HID1: variants seen among roughly 807,000 people sequenced by gnomAD.
HID1 encodes the protein HID1 domain containing.
HID1 carries 42 observed loss-of-function variants against 89.7 expected under a neutral mutation model. The observed-to-expected ratio is 0.47, with a 90% CI of 0.37 to 0.61. The LOEUF (loss-of-function observed/expected upper bound fraction) is 0.61, where lower values mean the gene tolerates loss of function less well. HID1 is among the 20% of genes least tolerant of loss of function. The pLI is 0.00. For missense variants in HID1, 854 were observed against 1,039.3 expected (o/e 0.82, Z 2.45); for synonymous variants, 442 against 433.8 (o/e 1.02, Z -0.24).
chr17:74,959,131 T>G lies in HID1; in HGVS notation c.1009-80A>C. ...TTTCCCAGCCCAGGCCCCCAACAAA[T>G]CCCCCCCTCCATCCCCCAGAGCCAG... is the stretch of plus-strand genomic sequence containing the variant. On this transcript the variant is annotated intron_variant, in intron 8 of 18. Coordinates refer to ENST00000425042, the MANE Select transcript of HID1 (RefSeq NM_030630.3). The surrounding 1 kb of genome is among the most constrained non-coding windows in gnomAD (Gnocchi z 4.6). 4.3e-6 allele frequency: 6 copies of G among 1,395,424 alleles called. No individual in the cohort carries two copies. The highest frequency in any genetic ancestry group is 1.6e-5 in the South Asian group (1 of 62,588). 86.4% of individuals were successfully genotyped at this position (1,395,424 alleles called of 1,614,324 possible).
chr17:74,969,131 C>T (rs1250238017), intron 1 of HID1, among the ~76,000 whole-genome samples: 9 of 146,700 alleles, frequency 6.1e-5, no homozygotes, highest in Non-Finnish European at 7.4e-5. Flanking sequence ...CGTGGCTCAG[C>T]GCCTGCCTCA....
rs2039286915 is a variant in HID1 at position 74,950,908 on chromosome 17, CTCCCAGTTCCCT to C, written c.*650_*661del. 6.6e-6 allele frequency: 1 copy of C among 152,356 alleles called. No homozygotes were observed. Among genetic ancestry groups the C allele is most frequent in the South Asian group, 2.1e-4 (1 of 4,828 alleles). The allele number at this position is 152,356 out of a possible 1,614,324, so 9.4% of individuals were successfully genotyped here. On this transcript the variant is annotated 3_prime_UTR_variant, in exon 19 of 19. Transcript: ENST00000425042. ...AGGGCAGGGAGGACTAAACGGCTGC[CTCCCAGTTCCCT>C]TCCCTGCCCCTCATTACTGGGTAAG...
At chr17:74,957,361 G>A (rs539949340) in intron 12 of HID1, among the ~76,000 whole-genome samples, 1 of 150,088 alleles carries the variant, frequency 6.7e-6, no homozygotes, top group South Asian at 2.1e-4. Context: ...GGCACATGCT[G>A]TGATCCCAGC....
rs558379686 is a variant in HID1 at position 74,957,974 on chromosome 17, C to A, written c.1471+167G>T. 7.1e-5 allele frequency: 43 copies of A among 605,658 alleles called. 1 individual carries two copies. Among genetic ancestry groups the A allele is most frequent in the African/African-American group, 6.5e-4 (35 of 54,102 alleles). The allele number at this position is 605,658 out of a possible 1,614,324, so 37.5% of individuals were successfully genotyped here. A position where few individuals can be genotyped will look rare whatever the true frequency, so the allele number is the denominator to read the frequency against. ...ATGATGATAGATAAAACATATTATTCAATTGTTGTCACCCTTTTTTTTTAA... is the reference window on the plus strand; with the variant it reads ...ATGATGATAGATAAAACATATTATTAAATTGTTGTCACCCTTTTTTTTTAA... On this transcript the variant is annotated intron_variant, in intron 12 of 18. Transcript: ENST00000425042.
chr17:74,959,181 C>T lies in HID1; in HGVS notation c.1009-130G>A, dbSNP rs2039442546. Reference sequence around the variant, plus strand: ...GATCCCACCTCCAGAGCCAGAGGGCCCAGATGCTATCACCCATAGCTGTCC... The same window carrying T: ...GATCCCACCTCCAGAGCCAGAGGGCTCAGATGCTATCACCCATAGCTGTCC... On this transcript the variant is annotated intron_variant, in intron 8 of 18. Coordinates refer to ENST00000425042, the MANE Select transcript of HID1 (RefSeq NM_030630.3). The surrounding 1 kb of genome is among the most constrained non-coding windows in gnomAD (Gnocchi z 4.6). The T allele has an allele frequency of 9.2e-7, 1 of 1,089,388 alleles. No individual in the cohort carries two copies. Among genetic ancestry groups the T allele is most frequent in the African/African-American group, 1.6e-5 (1 of 63,194 alleles). 67.5% of individuals were successfully genotyped at this position (1,089,388 alleles called of 1,614,324 possible).
intron 18 of HID1, 65 bp downstream of exon 18, chr17:74,951,838 TGA>T (rs1204337257): frequency 6.9e-7 from 1 of 1,454,406 alleles, no homozygotes. Context: ...GGCCCAGAGC[TGA>T]GGTCCCTGTT....
rs139544359 is a variant in HID1, at chr17:74,951,950, G to C, written c.2258C>G (p.Thr753Ser). 6.4e-7 allele frequency: 1 copy of C among 1,560,674 alleles called. No homozygotes were observed. Among genetic ancestry groups the C allele is most frequent in the Non-Finnish European group, 8.7e-7 (1 of 1,153,224 alleles). ...CATGTAGGTGCGGAACCACATGGCA[G>C]TGCCCGAGTTGGCCTGGTACTTGCG... ...LIRKYQANSGTAMWFRTYMWG... is the reference protein window; with the variant it reads ...LIRKYQANSGSAMWFRTYMWG... Residue 753 changes from threonine to serine, a missense_variant, in exon 18 of 19, where the codon ACT (threonine) becomes AGT (serine). Thr to Ser is a moderately conservative substitution (Grantham distance 58). Transcript: ENST00000425042.
At chr17:74,971,542 C>T (rs2039647709) in intron 1 of HID1, among the ~76,000 whole-genome samples, 1 of 152,044 alleles carries the variant, frequency 6.6e-6, no homozygotes, top group African/African-American at 2.4e-5. Flanking sequence ...GAGCTGGCTT[C>T]CTCCATCCCA....
intron 15 of HID1, 79 bp from the exon 16 acceptor site, chr17:74,953,165 A>G: frequency 8.3e-7 from 1 of 1,198,282 alleles, no homozygotes; most frequent in Non-Finnish European, 1.2e-6. Context: ...AGCCCTCTCC[A>G]CTGGCAGCTG....
At chr17:74,960,890 G>C (rs1223534918) in intron 6 of HID1, among the ~76,000 whole-genome samples, 2 of 152,228 alleles carry the variant, frequency 1.3e-5, no homozygotes, top group African/African-American at 4.8e-5. Flanking sequence ...CTCCCAGTGG[G>C]AGCTACCTGC....
chr17:74,971,319 G>A (rs1018623104), intron 1 of HID1, among the ~76,000 whole-genome samples: 3 of 152,134 alleles, frequency 2.0e-5, no homozygotes, highest in African/African-American at 4.8e-5. Context: ...CCCACAGAAC[G>A]AAAACCCCAT....
intron 15 of HID1, among the ~76,000 whole-genome samples, 170 bp downstream of exon 15, chr17:74,953,375 G>A (rs925419610): frequency 5.3e-5 from 8 of 152,088 alleles, no homozygotes; most frequent in South Asian, 2.1e-4. Flanking sequence ...TCTGTGAAAG[G>A]CCCCCACCCC....
intron 6 of HID1, among the ~76,000 whole-genome samples, chr17:74,961,001 T>G (rs2039471520): frequency 7.0e-6 from 1 of 142,238 alleles, no homozygotes; most frequent in Non-Finnish European, 1.5e-5. Context: ...GGGCTGGGCC[T>G]CCCTGCCCTT....
chr17:74,958,580 C>T lies in HID1; in HGVS notation c.1240+93G>A. 1 of 1,584,152 alleles carries T rather than the reference C, an allele frequency of 6.3e-7. No homozygotes were observed. The highest frequency in any genetic ancestry group is 8.6e-7 in the Non-Finnish European group (1 of 1,157,022). On this transcript the variant is annotated intron_variant, in intron 10 of 18. Transcript: ENST00000425042. The surrounding 1 kb of genome is among the most constrained non-coding windows in gnomAD (Gnocchi z 5.2). ...CCTCCCTCCTAGGAGGTCAGAGTGC[C>T]AGGCCTGAGCTCCTGGGAGTCAGGG...
chr17:74,951,929 T>C lies in HID1; in HGVS notation c.2279A>G (p.Tyr760Cys), dbSNP rs763253814. The C allele has an allele frequency of 3.2e-6, 5 of 1,542,156 alleles. No homozygotes were observed. The highest frequency in any genetic ancestry group is 3.5e-6 in the Non-Finnish European group (4 of 1,142,896). Residue 760 changes from tyrosine (Y) to cysteine (C), a missense_variant, in exon 18 of 19, where the codon TAC becomes TGC. Physicochemically the swap from Tyr to Cys is radical, Grantham distance 194 (BLOSUM62 -2). Transcript: ENST00000425042. ...NSGTAMWFRT[Y>C]MWGVIYLRNV... is the part of the protein sequence containing the mutation. Reference sequence around the variant, plus strand: ...CCTCAGATAGATGACGCCCCACATGTAGGTGCGGAACCACATGGCAGTGCC... The same window carrying C: ...CCTCAGATAGATGACGCCCCACATGCAGGTGCGGAACCACATGGCAGTGCC...
intron 18 of HID1, 43 bp from the exon 19 acceptor site, chr17:74,951,676 G>T (rs368603155): frequency 3.1e-5 from 48 of 1,572,212 alleles, no homozygotes; most frequent in Admixed American, 1.1e-4. Flanking sequence ...GGGGCACCTT[G>T]CAGACAAGGC....
At chr17:74,956,617 G>C (rs537496368) in intron 12 of HID1, among the ~76,000 whole-genome samples, 1 of 152,320 alleles carries the variant, frequency 6.6e-6, no homozygotes, top group Admixed American at 6.5e-5. Flanking sequence ...GGAAGGGACA[G>C]TCCTGACCCC....
chr17:74,954,274 C>A lies in HID1; in HGVS notation c.1728G>T (p.Lys576Asn). The A allele has an allele frequency of 6.3e-7, 1 of 1,588,316 alleles. No individual in the cohort carries two copies. ...NLPTDPPTIH[K>N]ALQRRRRTPE... ...GTGTCCGCCGGCGCCGCTGCAGGGC[C>A]TTGTGAATGGTGGGCGGGTCCGTGG... is the stretch of plus-strand genomic sequence containing the variant. Residue 576 changes from lysine to asparagine, a missense_variant, in exon 14 of 19, where the codon AAG becomes AAT. By Grantham distance (94) the Lys-to-Asn change is moderately conservative. Transcript: ENST00000425042.
rs1227526433 is a variant in HID1, at chr17:74,951,506, G to A, written c.*64C>T. 5 of 1,452,584 alleles carry A rather than the reference G, an allele frequency of 3.4e-6. No homozygotes were observed. Among genetic ancestry groups the A allele is most frequent in the Non-Finnish European group, 3.8e-6 (4 of 1,048,704 alleles). The allele number at this position is 1,452,584 out of a possible 1,614,324, so 90.0% of individuals were successfully genotyped here. ...TAATTTAAAGCTCAGAATGGTGGAT[G>A]GGGGAAGCCTCAGGGACCAAGGCCC... On this transcript the variant is annotated 3_prime_UTR_variant, in exon 19 of 19. Transcript: ENST00000425042.
Sources: allele counts gnomAD v4.1 joint callset (sites outside exome capture counted in the v4.1 genomes callset), GRCh38; gene constraint gnomAD v4.1.1; non-coding constraint Gnocchi (gnomAD v3.1); transcripts MANE v1.5; gene names NCBI Gene and HGNC (gene_info 2026-07-23, HGNC 2026-07-21).